The following ASTN2 variants were observed in gnomAD, a reference collection of about 807,000 sequenced individuals.
The protein encoded by ASTN2 is astrotactin 2.
In ASTN2, 54 loss-of-function variants were observed where a neutral mutation model predicts 139.8. The ratio of observed to expected loss-of-function variants is 0.39; its 90% CI spans 0.31 to 0.48. ASTN2 has a LOEUF of 0.48. ASTN2 is among the 20% of genes least tolerant of loss of function. The probability of loss-of-function intolerance (pLI) is 0.95; values close to 1 mark genes in which losing one functional copy is unlikely to be tolerated. For synonymous variants in ASTN2, 756 were observed against 719.5 expected (o/e 1.05, Z -0.81); for missense variants, 1,565 against 1,725.1 (o/e 0.91, Z 1.64).
At chr9:116,734,333 T>G (rs1374662089) in intron 13 of ASTN2, among the ~76,000 whole-genome samples, 2 of 152,132 alleles carry the variant, frequency 1.3e-5, no homozygotes, top group Non-Finnish European at 2.9e-5. Context: ...AGGATGGTAG[T>G]AACAGTGCAG....
intron 11 of ASTN2, among the ~76,000 whole-genome samples, chr9:116,852,187 C>T (rs552756644): frequency 2.6e-5 from 4 of 152,310 alleles, no homozygotes; most frequent in East Asian, 3.9e-4. Flanking sequence ...CTCCTCTCTA[C>T]ACAATAGGAC....
intron 13 of ASTN2, among the ~76,000 whole-genome samples, chr9:116,794,924 T>C (rs1156893033): frequency 6.6e-6 from 1 of 152,174 alleles, no homozygotes; most frequent in African/African-American, 2.4e-5. Context: ...CCTTTCCTAT[T>C]GGGCAAGTGG....
At chr9:117,013,484 A>T (rs1438770131) in intron 6 of ASTN2, among the ~76,000 whole-genome samples, 1 of 94,000 alleles carries the variant, frequency 1.1e-5, no homozygotes, top group African/African-American at 4.9e-5. Context: ...ATATATATAT[A>T]TATTTTTTTT....
chr9:116,842,307 T>G (rs545787302), intron 11 of ASTN2, among the ~76,000 whole-genome samples: 1 of 152,148 alleles, frequency 6.6e-6, no homozygotes, highest in Non-Finnish European at 1.5e-5. Flanking sequence ...AAGCTGGATG[T>G]TTCCCAATAT....
At chr9:116,597,028 G>C (rs1854611173) in intron 19 of ASTN2, among the ~76,000 whole-genome samples, 1 of 152,130 alleles carries the variant, frequency 6.6e-6, no homozygotes, top group Non-Finnish European at 1.5e-5. Context: ...AAGGGAAAGA[G>C]TTTGGGTTAT....
At chr9:117,347,864 G>T (rs987877633) in intron 1 of ASTN2, among the ~76,000 whole-genome samples, 1 of 152,108 alleles carries the variant, frequency 6.6e-6, no homozygotes, top group Admixed American at 6.5e-5. Flanking sequence ...GGCAGTGAAG[G>T]CCTAGGGACC....
chr9:116,596,547 C>T (rs144457706), intron 19 of ASTN2, among the ~76,000 whole-genome samples: 60 of 152,218 alleles, frequency 3.9e-4, no homozygotes, highest in African/African-American at 1.3e-3. Flanking sequence ...CATGGATACA[C>T]GCACATGTCC....
At position 117,039,716 on chromosome 9, in the gene ASTN2, T is replaced by C. The variant is rs569816594; in HGVS notation, c.1423+103A>G. ...CTCCTTTTTTTCCTCCTGTAATATA[T>C]GTAATAGTAATTCTAAGGTTTGGCC... On this transcript the variant is annotated intron_variant, in intron 6 of 22. Transcript: ENST00000313400. 2.6e-5 allele frequency: 33 copies of C among 1,285,742 alleles called. No homozygotes were observed. The South Asian group carries it at 6.9e-4, about 27-fold the overall frequency. The allele number at this position is 1,285,742 out of a possible 1,614,324, so 79.6% of individuals were successfully genotyped here.
chr9:116,643,850 G>C (rs1389929649), intron 17 of ASTN2, among the ~76,000 whole-genome samples: 1 of 152,142 alleles, frequency 6.6e-6, no homozygotes, highest in African/African-American at 2.4e-5. Flanking sequence ...CTATTGGAAT[G>C]TCTATTGCAC....
At chr9:116,522,987 A>T (rs1850942066) in intron 19 of ASTN2, among the ~76,000 whole-genome samples, 1 of 152,172 alleles carries the variant, frequency 6.6e-6, no homozygotes, top group African/African-American at 2.4e-5. Flanking sequence ...TGCTTCAGAA[A>T]CACCTCATAT....
intron 19 of ASTN2, among the ~76,000 whole-genome samples, chr9:116,560,144 A>C (rs1243350320): frequency 6.6e-6 from 1 of 152,198 alleles, no homozygotes; most frequent in African/African-American, 2.4e-5. Flanking sequence ...TTGTGTAGTT[A>C]ACAATGTGTA....
chr9:116,523,969 C>T (rs760071882), intron 19 of ASTN2, among the ~76,000 whole-genome samples: 6 of 152,136 alleles, frequency 3.9e-5, no homozygotes, highest in Non-Finnish European at 5.9e-5. Context: ...ATGGCCAGTG[C>T]TGGGTGAATT....
At chr9:117,134,287 TATATATATACACACACACACAC>T (rs1249580099) in intron 4 of ASTN2, among the ~76,000 whole-genome samples, 8 of 82,002 alleles carry the variant, frequency 9.8e-5, no homozygotes, top group Non-Finnish European at 2.0e-4. Context: ...TATATATATA[TATATATATACACACACACACAC>T]ACACACACAC....
Position 117,291,249 on chromosome 9 carries a change from C to T in ASTN2, c.630+77G>A, listed in dbSNP as rs534176541. 7.1e-5 allele frequency: 108 copies of T among 1,531,766 alleles called. 2 individuals carry two copies. The South Asian group carries it at 1.2e-3, about 17-fold the overall frequency. The allele number at this position is 1,531,766 out of a possible 1,614,324, so 94.9% of individuals were successfully genotyped here. On this transcript the variant is annotated intron_variant, in intron 2 of 22. Coordinates refer to ENST00000313400, the MANE Select transcript of ASTN2 (RefSeq NM_001365068.1). ...TTCTTTCCTTCCATCTGTGGACAAT[C>T]CCCCGCCCCCTCCATCTCTCCACCC...
chr9:117,104,588 C>T (rs1293983053), intron 4 of ASTN2, among the ~76,000 whole-genome samples: 2 of 152,128 alleles, frequency 1.3e-5, no homozygotes, highest in Non-Finnish European at 2.9e-5. Context: ...CAACAGTATT[C>T]TGTTTTTAAA....
intron 19 of ASTN2, among the ~76,000 whole-genome samples, chr9:116,594,656 C>T (rs531964522): frequency 6.6e-6 from 1 of 152,258 alleles, no homozygotes; most frequent in African/African-American, 2.4e-5. Context: ...ATTTTATGGG[C>T]CCAGAACTCC....
At chr9:116,982,569 A>T (rs1836541760) in intron 7 of ASTN2, among the ~76,000 whole-genome samples, 1 of 151,528 alleles carries the variant, frequency 6.6e-6, no homozygotes, top group Non-Finnish European at 1.5e-5. Context: ...TTAAATTATC[A>T]TTATTATTTT....
intron 19 of ASTN2, among the ~76,000 whole-genome samples, chr9:116,605,087 T>G (rs1331486039): frequency 6.8e-6 from 1 of 147,434 alleles, no homozygotes; most frequent in African/African-American, 2.5e-5. Flanking sequence ...CCGACACACA[T>G]AAAGGTAGAA....
chr9:116,777,647 T>G (rs1185566593), intron 13 of ASTN2, among the ~76,000 whole-genome samples: 1 of 152,118 alleles, frequency 6.6e-6, no homozygotes, highest in Non-Finnish European at 1.5e-5. Flanking sequence ...GAGTGGTGAC[T>G]GAGAATTTGC....
Sources: allele counts gnomAD v4.1 joint callset (sites outside exome capture counted in the v4.1 genomes callset), GRCh38; gene constraint gnomAD v4.1.1; transcripts MANE v1.5; gene names NCBI Gene and HGNC (gene_info 2026-07-23, HGNC 2026-07-21).